The following ABI3BP variants were observed in gnomAD, a reference collection of about 807,000 sequenced individuals.
ABI3BP encodes target of Nesh-SH3.
A neutral mutation model predicts 268.6 loss-of-function variants in ABI3BP; 216 were observed. The ratio of observed to expected loss-of-function variants is 0.80; its 90% CI spans 0.72 to 0.90. The LOEUF (loss-of-function observed/expected upper bound fraction) is 0.90, where lower values mean the gene tolerates loss of function less well. ABI3BP is among the 40% of genes least tolerant of loss of function. The probability of loss-of-function intolerance (pLI) is 0.00; values close to 1 mark genes in which losing one functional copy is unlikely to be tolerated. For synonymous variants in ABI3BP, 730 were observed against 730.0 expected, an observed-to-expected ratio of 1.00 and a Z score of 0.00; for missense variants, 2,090 against 2,182.4, an observed-to-expected ratio of 0.96 and a Z score of 0.84.
chr3:100,912,299 A>AC (rs1290994176), intron 2 of ABI3BP: 4 of 157,128 alleles, frequency 2.5e-5, no homozygotes, highest in African/African-American at 4.9e-5. Context: ...AAAAAAAAAA[A>AC]AAAAACAGAC....
chr3:100,846,868 G>A (rs1202504337), intron 19 of ABI3BP, among the ~76,000 whole-genome samples: 1 of 152,122 alleles, frequency 6.6e-6, no homozygotes. Flanking sequence ...GTATGTGCAG[G>A]ATGTACAGGT....
chr3:100,790,354 C>G (rs1012676748), intron 55 of ABI3BP, among the ~76,000 whole-genome samples: 1 of 151,978 alleles, frequency 6.6e-6, no homozygotes, highest in Non-Finnish European at 1.5e-5. Context: ...CATACTGCCT[C>G]CTGCCACCAG....
chr3:100,989,692 A>G (rs1392291386), intron 1 of ABI3BP, among the ~76,000 whole-genome samples: 1 of 152,192 alleles, frequency 6.6e-6, no homozygotes, highest in Non-Finnish European at 1.5e-5. Context: ...TCTTCTGTAT[A>G]CTGGAGTTTC....
chr3:100,753,024 T>G, intron 65 of ABI3BP, 76 bp from the exon 66 acceptor site: 1 of 1,424,402 alleles, frequency 7.0e-7, no homozygotes, highest in Non-Finnish European at 9.4e-7. Context: ...TTACAAAATT[T>G]GTCAACTTGC....
At chr3:100,815,783 T>C in intron 44 of ABI3BP, 129 bp downstream of exon 44, 1 of 613,984 alleles carries the variant, frequency 1.6e-6, no homozygotes, top group Middle Eastern at 3.0e-4. Flanking sequence ...CTGCTGACTA[T>C]TTTAAAATGA....
chr3:100,758,105 C>CA (rs2095725164), intron 63 of ABI3BP, among the ~76,000 whole-genome samples: 2 of 149,596 alleles, frequency 1.3e-5, no homozygotes, highest in South Asian at 2.1e-4. Flanking sequence ...CAAAAACAAA[C>CA]AAACAAAAAA....
In ABI3BP at chr3:100,886,234, A is replaced by C. The variant is rs1260464587; in HGVS notation, c.551T>G (p.Leu184Arg). 1 of 1,611,366 alleles carries C rather than the reference A, an allele frequency of 6.2e-7. No individual in the cohort carries two copies. Among genetic ancestry groups the C allele is most frequent in the Non-Finnish European group, 8.5e-7 (1 of 1,178,432 alleles). Reference sequence around the variant, plus strand: ...AAATTCATAAACTGTGTTGGGCTTTAGGTTTTCCACAATTGTTTCAGTGGC... The same window carrying C: ...AAATTCATAAACTGTGTTGGGCTTTCGGTTTTCCACAATTGTTTCAGTGGC... ...CPATETIVEN[L>R]KPNTVYEFGV... The change falls in exon 5 of 68, where the codon CTA becomes CGA. Residue 184 changes from leucine (L) to arginine (R), a missense_variant. Physicochemically the swap from Leu to Arg is moderately radical, Grantham distance 102. Coordinates refer to ENST00000471714, the MANE Select transcript of ABI3BP (RefSeq NM_001375547.2).
chr3:100,823,913 T>C (rs112380452), intron 36 of ABI3BP, among the ~76,000 whole-genome samples: 3,560 of 152,266 alleles, frequency 0.023, 139 homozygotes, highest in African/African-American at 0.081. Context: ...TAAACATGGA[T>C]ACAAGAGACA....
At chr3:100,897,942 T>C (rs1211078266) in intron 4 of ABI3BP, among the ~76,000 whole-genome samples, 1 of 152,258 alleles carries the variant, frequency 6.6e-6, no homozygotes, top group African/African-American at 2.4e-5. Flanking sequence ...GTTTTGAAGC[T>C]AATATAGTAA....
chr3:100,767,014 AT>A (rs922750159), intron 62 of ABI3BP, among the ~76,000 whole-genome samples: 3 of 151,376 alleles, frequency 2.0e-5, no homozygotes, highest in Non-Finnish European at 2.9e-5. Flanking sequence ...TTGGGGGAGG[AT>A]TTTTTTTTGT....
chr3:100,851,833 A>G, intron 15 of ABI3BP, 42 bp downstream of exon 15: 1 of 1,510,032 alleles, frequency 6.6e-7, no homozygotes, highest in Non-Finnish European at 8.9e-7. Flanking sequence ...CAAGTGTTGG[A>G]ACACCTGGGA....
At chr3:100,976,223 C>T (rs1269812056) in intron 1 of ABI3BP, among the ~76,000 whole-genome samples, 2 of 152,100 alleles carry the variant, frequency 1.3e-5, no homozygotes, top group South Asian at 2.1e-4. Context: ...AAAATATATT[C>T]ATATTTATCA....
chr3:100,866,880 T>C lies in ABI3BP; in HGVS notation c.987A>G (p.Thr329=), dbSNP rs1232315208. Reference sequence around the variant, plus strand: ...TCAACAACATAGCGATCTCATTACCTGTTGTGGGTCGTGCTGAGATTTTTT... The same window carrying C: ...TCAACAACATAGCGATCTCATTACCCGTTGTGGGTCGTGCTGAGATTTTTT... The part of the protein sequence containing the change: ...EVEKISARPT[T]VTPETVPRST... Residue 329 remains threonine, a splice_region_variant and synonymous_variant, in exon 10 of 68, where the codon ACA becomes ACG. Transcript: ENST00000471714. 1.2e-6 allele frequency: 2 copies of C among 1,613,118 alleles called. No individual in the cohort carries two copies. Among genetic ancestry groups the C allele is most frequent in the Non-Finnish European group, 1.7e-6 (2 of 1,179,338 alleles).
At chr3:100,877,523 C>T (rs568665565) in intron 6 of ABI3BP, among the ~76,000 whole-genome samples, 139 of 152,262 alleles carry the variant, frequency 9.1e-4, no homozygotes, top group African/African-American at 3.3e-3. Flanking sequence ...TCAGAAGTCC[C>T]ACAGGAGGTT....
chr3:100,813,105 T>G (rs781371022), intron 45 of ABI3BP, among the ~76,000 whole-genome samples: 2 of 152,174 alleles, frequency 1.3e-5, no homozygotes, highest in African/African-American at 2.4e-5. Flanking sequence ...GGTCATAAAA[T>G]TCTGAGCTCA....
intron 1 of ABI3BP, among the ~76,000 whole-genome samples, chr3:100,953,845 G>A (rs545937085): frequency 6.6e-6 from 1 of 152,218 alleles, no homozygotes; most frequent in Non-Finnish European, 1.5e-5. Context: ...ATGTTGAACT[G>A]CAAACCCTGA....
At chr3:100,926,056 C>T (rs2061709135) in intron 2 of ABI3BP, among the ~76,000 whole-genome samples, 1 of 151,916 alleles carries the variant, frequency 6.6e-6, no homozygotes, top group Non-Finnish European at 1.5e-5. Flanking sequence ...CTGTTTTTGT[C>T]CTTATGAATT....
At chr3:100,910,580 GC>G (rs1305366825) in intron 2 of ABI3BP, among the ~76,000 whole-genome samples, 2 of 150,392 alleles carry the variant, frequency 1.3e-5, no homozygotes, top group African/African-American at 4.9e-5. Context: ...TCACTATGCT[GC>G]CCAGGTTGGT....
chr3:100,902,824 C>T (rs992250000), intron 2 of ABI3BP, 138 bp from the exon 3 acceptor site: 16 of 629,344 alleles, frequency 2.5e-5, no homozygotes, highest in African/African-American at 1.7e-4. Flanking sequence ...CCCAATAATC[C>T]GAAAAGTTGA....
Sources: gnomAD v4.1 joint callset for allele counts (sites outside exome capture counted in the v4.1 genomes callset) on GRCh38, gnomAD v4.1.1 for gene constraint, MANE v1.5 for transcripts, NCBI Gene and HGNC (gene_info 2026-07-23, HGNC 2026-07-21) for gene names.